Variants in FSTL5 observed in about 807,000 individuals in gnomAD.
FSTL5 encodes the protein follistatin-related protein 5.
In FSTL5, 62 loss-of-function variants were observed where a neutral mutation model predicts 89.1. That is an observed-to-expected ratio of 0.70 (90% CI 0.57 to 0.86). FSTL5 has a LOEUF of 0.86. Ranked by LOEUF, FSTL5 falls within the 40% of genes least tolerant of loss-of-function variation. The probability of loss-of-function intolerance (pLI) is 0.00; values close to 1 mark genes in which losing one functional copy is unlikely to be tolerated. For missense variants in FSTL5, 1,057 were observed against 1,001.6 expected (o/e 1.06, Z -0.75); for synonymous variants, 383 against 346.2 (o/e 1.11, Z -1.18).
chr4:162,051,299 ATAAGT>A (rs1738371950), intron 2 of FSTL5, among the ~76,000 whole-genome samples: 1 of 151,682 alleles, frequency 6.6e-6, no homozygotes, highest in South Asian at 2.1e-4. Context: ...CACTGAATAT[ATAAGT>A]TAATTATATA....
At chr4:161,781,341 AT>A (rs1307583436) in intron 4 of FSTL5, among the ~76,000 whole-genome samples, 2 of 150,748 alleles carry the variant, frequency 1.3e-5, no homozygotes, top group African/African-American at 4.9e-5. Context: ...AAAAAAAAAA[AT>A]TTAAATCTAA....
intron 13 of FSTL5, among the ~76,000 whole-genome samples, chr4:161,478,961 C>T (rs1309823866): frequency 6.6e-6 from 1 of 152,036 alleles, no homozygotes; most frequent in Non-Finnish European, 1.5e-5. Context: ...CATACATATC[C>T]ATTTATGCTC....
In FSTL5 at chr4:161,401,778, C is replaced by T. The variant is rs955765732; in HGVS notation, c.1842-15329G>A. On this transcript the variant is annotated intron_variant, in intron 15 of 15. Transcript: ENST00000306100. ...TCCTGACCTCATGATCTGCCCACCT[C>T]GGCCTCCCAAAGTGCTGGGATTACA... Among the ~76,000 whole-genome samples, 7 of 152,224 alleles carry T rather than the reference C, an allele frequency of 4.6e-5. No individual in the cohort carries two copies. In the East Asian group the frequency reaches 5.8e-4, roughly 13 times the overall value.
At chr4:161,960,327 C>A (rs1407063142) in intron 3 of FSTL5, among the ~76,000 whole-genome samples, 1 of 151,588 alleles carries the variant, frequency 6.6e-6, no homozygotes, top group Admixed American at 6.6e-5. Flanking sequence ...GCACCATGCC[C>A]AGCTAATTTT....
In FSTL5 at chr4:162,090,303, T is replaced by C. The variant is rs111978422; in HGVS notation, c.126+20968A>G. 2.3e-3 allele frequency among the ~76,000 whole-genome samples: 351 copies of C among 152,004 alleles called. 2 individuals are homozygous for C. The highest frequency in any genetic ancestry group is 8.1e-3 in the African/African-American group (335 of 41,454). ...CAAAAGAGACTGTCAACAGAATAAA[T>C]AGAAAACCTACAAAATGAGAGGAAA... On this transcript the variant is annotated intron_variant, in intron 2 of 15. Coordinates refer to ENST00000306100, the MANE Select transcript of FSTL5 (RefSeq NM_020116.5).
chr4:162,144,180 CAT>C (rs1732881355), intron 1 of FSTL5, among the ~76,000 whole-genome samples: 2 of 152,130 alleles, frequency 1.3e-5, no homozygotes, highest in Non-Finnish European at 2.9e-5. Context: ...ATAAACAAAA[CAT>C]ATTCTAATGT....
chr4:161,638,234 C>T (rs368379217), intron 7 of FSTL5, among the ~76,000 whole-genome samples: 2,069 of 151,212 alleles, frequency 0.014, 43 homozygotes, highest in African/African-American at 0.046. Flanking sequence ...CAATTGTGAA[C>T]GGGAGTTCAC....
At chr4:161,959,900 T>C (rs930127542) in intron 3 of FSTL5, among the ~76,000 whole-genome samples, 2 of 152,118 alleles carry the variant, frequency 1.3e-5, no homozygotes, top group African/African-American at 4.8e-5. Flanking sequence ...GGGAGCAGTT[T>C]GCACAAAAGA....
intron 8 of FSTL5, among the ~76,000 whole-genome samples, chr4:161,578,682 A>G (rs1053812353): frequency 6.6e-6 from 1 of 152,120 alleles, no homozygotes; most frequent in Admixed American, 6.6e-5. Context: ...CCATATATAA[A>G]TTGCTGATAC....
chr4:161,745,636 C>A (rs1273657732), intron 6 of FSTL5, among the ~76,000 whole-genome samples: 2 of 151,700 alleles, frequency 1.3e-5, no homozygotes, highest in African/African-American at 4.8e-5. Context: ...AAATTATATT[C>A]TTTCTAAATG....
chr4:161,643,800 T>C (rs1257236033), intron 7 of FSTL5, among the ~76,000 whole-genome samples: 3 of 152,228 alleles, frequency 2.0e-5, no homozygotes, highest in Non-Finnish European at 4.4e-5. Context: ...CATCAGTTGA[T>C]TGATAATTCT....
chr4:161,795,002 C>T (rs1362884483), intron 4 of FSTL5, among the ~76,000 whole-genome samples: 1 of 151,756 alleles, frequency 6.6e-6, no homozygotes, highest in East Asian at 1.9e-4. Context: ...ATTTTATTTA[C>T]ATATATATAC....
chr4:161,492,275 A>T (rs1444897877), intron 12 of FSTL5, among the ~76,000 whole-genome samples: 2 of 152,146 alleles, frequency 1.3e-5, no homozygotes. Flanking sequence ...AATTCCAAAT[A>T]TGGATAAACT....
chr4:162,074,193 T>C (rs1005706009), intron 2 of FSTL5, among the ~76,000 whole-genome samples: 3 of 151,842 alleles, frequency 2.0e-5, no homozygotes, highest in African/African-American at 7.2e-5. Flanking sequence ...CTTATAGATT[T>C]ATCATTTCCC....
chr4:161,426,382 T>C lies in FSTL5; in HGVS notation c.1841+28622A>G, dbSNP rs373577974. Among the ~76,000 whole-genome samples the C allele has an allele frequency of 9.6e-4, 146 of 152,282 alleles. 5 individuals are homozygous for C. The South Asian group carries it at 0.028, about 29-fold the overall frequency. On this transcript the variant is annotated intron_variant, in intron 15 of 15. Transcript: ENST00000306100. The stretch of plus-strand genomic sequence containing the variant: ...AATATAAGAAAGAGTCAGGGTAATA[T>C]AGATGCAGCTAGGCAATGGTACAGG...
chr4:161,908,550 C>A (rs531830036), intron 4 of FSTL5, among the ~76,000 whole-genome samples: 18 of 151,988 alleles, frequency 1.2e-4, no homozygotes, highest in Non-Finnish European at 2.2e-4. Flanking sequence ...ATAGCACTTT[C>A]TTTTATTTTC....
At chr4:161,752,784 T>C (rs1356992370) in intron 6 of FSTL5, among the ~76,000 whole-genome samples, 1 of 152,190 alleles carries the variant, frequency 6.6e-6, no homozygotes, top group Non-Finnish European at 1.5e-5. Context: ...TATTTGGAGA[T>C]AGGGCCTAAA....
At chr4:162,127,127 C>T (rs1440957954) in intron 1 of FSTL5, among the ~76,000 whole-genome samples, 4 of 152,168 alleles carry the variant, frequency 2.6e-5, no homozygotes, top group Non-Finnish European at 5.9e-5. Context: ...ATTGTGGCAG[C>T]TTCCAAGAAC....
chr4:161,799,255 C>T (rs1050495828), intron 4 of FSTL5, among the ~76,000 whole-genome samples: 1 of 151,542 alleles, frequency 6.6e-6, no homozygotes, highest in Admixed American at 6.6e-5. Flanking sequence ...GCCCCCTCCC[C>T]GCCGCCAAGT....
Sources: allele counts gnomAD v4.1 joint callset (sites outside exome capture counted in the v4.1 genomes callset), GRCh38; gene constraint gnomAD v4.1.1; transcripts MANE v1.5; gene names NCBI Gene and HGNC (gene_info 2026-07-23, HGNC 2026-07-21).